Variants in CLMP observed in about 807,000 individuals in gnomAD.
CLMP encodes the protein CXADR-like membrane protein.
In CLMP, 27 loss-of-function variants were observed where a neutral mutation model predicts 45.2. The observed-to-expected ratio is 0.60, with a 90% confidence interval of 0.44 to 0.82. CLMP has a LOEUF of 0.82. Among genes scored for constraint, CLMP ranks in the 40% least tolerant of loss-of-function variants. The pLI, the probability that CLMP is intolerant of heterozygous loss-of-function variation, is 0.00. For missense variants in CLMP, 403 were observed against 448.4 expected, an observed-to-expected ratio of 0.90 and a Z score of 0.91; for synonymous variants, 167 against 171.4, an observed-to-expected ratio of 0.97 and a Z score of 0.20.
chr11:123,159,237 T>G (rs1861453334), intron 1 of CLMP, among the ~76,000 whole-genome samples: 1 of 152,180 alleles, frequency 6.6e-6, no homozygotes, highest in South Asian at 2.1e-4. Flanking sequence ...AACAGTTACT[T>G]TCAGTGAGAA....
At chr11:123,194,799 G>A (rs556502081) in intron 1 of CLMP, 114 bp downstream of exon 1, 28 of 1,350,536 alleles carry the variant, frequency 2.1e-5, no homozygotes, top group Non-Finnish European at 2.8e-5. Context: ...GGACTGAAAA[G>A]CCGGCTGACT....
chr11:123,104,667 T>G (rs904888991), intron 1 of CLMP, among the ~76,000 whole-genome samples: 4 of 152,110 alleles, frequency 2.6e-5, no homozygotes, highest in African/African-American at 9.7e-5. Context: ...ATTACAGGTG[T>G]GAGCCACCGC....
chr11:123,154,054 T>C (rs1352961674), intron 1 of CLMP, among the ~76,000 whole-genome samples: 2 of 152,124 alleles, frequency 1.3e-5, no homozygotes, highest in Non-Finnish European at 2.9e-5. Context: ...GGTGTTGGGA[T>C]TGGACACCTA....
intron 1 of CLMP, among the ~76,000 whole-genome samples, chr11:123,115,510 C>T (rs574514670): frequency 2.0e-5 from 3 of 151,920 alleles, no homozygotes; most frequent in Non-Finnish European, 4.4e-5. Flanking sequence ...TAATGTAATG[C>T]TGATCAGAAA....
At chr11:123,152,389 G>T (rs1861348134) in intron 1 of CLMP, among the ~76,000 whole-genome samples, 1 of 152,022 alleles carries the variant, frequency 6.6e-6, no homozygotes, top group Non-Finnish European at 1.5e-5. Flanking sequence ...TGGGCATGTT[G>T]GTGGGCACCT....
At chr11:123,121,733 G>A (rs1432858447) in intron 1 of CLMP, among the ~76,000 whole-genome samples, 2 of 152,124 alleles carry the variant, frequency 1.3e-5, no homozygotes, top group Non-Finnish European at 2.9e-5. Flanking sequence ...TAATAAACTG[G>A]CTTATAACCA....
At chr11:123,131,159 A>G (rs531473351) in intron 1 of CLMP, among the ~76,000 whole-genome samples, 2 of 152,168 alleles carry the variant, frequency 1.3e-5, no homozygotes, top group Non-Finnish European at 2.9e-5. Flanking sequence ...CAAAAATAAT[A>G]TCTGTCATTC....
chr11:123,113,594 T>C (rs1860673582), intron 1 of CLMP, among the ~76,000 whole-genome samples: 2 of 152,202 alleles, frequency 1.3e-5, no homozygotes, highest in Admixed American at 1.3e-4. Context: ...ACTTCTGCGT[T>C]TGGCAGATCG....
rs753434763 is a variant in CLMP, at chr11:123,074,809, C to T, written c.714G>A (p.Val238=). The T allele has an allele frequency of 4.3e-6, 7 of 1,614,166 alleles. No homozygotes were observed. In the East Asian group the frequency reaches 1.6e-4, roughly 36 times the overall value. Residue 238 remains valine, a synonymous_variant, in exon 6 of 7, where the codon GTG becomes GTA. Transcript: ENST00000448775. The part of the protein sequence containing the change: ...VQSIGMVAGA[V]TGIVAGALLI... Reference sequence around the variant, plus strand: ...GCAGGGCTCCAGCCACTATGCCTGTCACTGCTCCTGCAACCATGCCGATGC... The same window carrying T: ...GCAGGGCTCCAGCCACTATGCCTGTTACTGCTCCTGCAACCATGCCGATGC...
Position 123,074,752 on chromosome 11 carries a change from T to G in CLMP, c.771A>C (p.Arg257=). The change falls in exon 6 of 7, where the codon CGA becomes CGC. Residue 257 remains arginine, a synonymous_variant. Transcript: ENST00000448775. ...LIFLLVWLLI[R]RKDKERYEEE... is the part of the protein sequence containing the mutation. Reference sequence around the variant, plus strand: ...CCTCATATCTTTCTTTGTCTTTCCTTCGGATTAGCAGCCACACCAAGAGGA... The same window carrying G: ...CCTCATATCTTTCTTTGTCTTTCCTGCGGATTAGCAGCCACACCAAGAGGA... 6.2e-7 allele frequency: 1 copy of G among 1,614,146 alleles called. No homozygotes were observed. The highest frequency in any genetic ancestry group is 8.5e-7 in the Non-Finnish European group (1 of 1,180,032).
chr11:123,118,999 TTCTCTCTCTCTCTCTCTCTCTCTC>T (rs1248549147), intron 1 of CLMP, among the ~76,000 whole-genome samples: 17 of 14,142 alleles, frequency 1.2e-3, no homozygotes, highest in Non-Finnish European at 1.8e-3. Flanking sequence ...CTTTCTTTCT[TTCTCTCTCTCTCTCTCTCTCTCTC>T]TCTCTCTCTC....
chr11:123,091,214 C>T (rs1865928845), intron 2 of CLMP, among the ~76,000 whole-genome samples: 1 of 152,138 alleles, frequency 6.6e-6, no homozygotes, highest in South Asian at 2.1e-4. Flanking sequence ...AAGCGATTCT[C>T]CTGCCTCAGC....
intron 1 of CLMP, among the ~76,000 whole-genome samples, chr11:123,103,377 G>C (rs939372885): frequency 1.3e-5 from 2 of 152,150 alleles, no homozygotes; most frequent in African/African-American, 4.8e-5. Flanking sequence ...CAAATGCCAA[G>C]AGCCAGCTAT....
intron 2 of CLMP, among the ~76,000 whole-genome samples, chr11:123,085,820 G>A (rs1375069622): frequency 3.4e-5 from 5 of 146,472 alleles, no homozygotes; most frequent in South Asian, 2.1e-4. Flanking sequence ...CTTGTCGCCC[G>A]GTCTGGAGTA....
chr11:123,149,799 CTTTCTTTG>C lies in CLMP; in HGVS notation c.28+45106_28+45113del, dbSNP rs1192353564. Reference sequence around the variant, plus strand: ...TCTTTCTTTCTTTCTTCCTTTCTTTCTTTCTTTGTTTCTTTCTCTCTTTTTTTTTTTAG... The same window carrying C: ...TCTTTCTTTCTTTCTTCCTTTCTTTCTTTCTTTCTCTCTTTTTTTTTTTAG... On this transcript the variant is annotated intron_variant, in intron 1 of 6. Coordinates refer to ENST00000448775, the MANE Select transcript of CLMP (RefSeq NM_024769.5). 3.3e-5 allele frequency among the ~76,000 whole-genome samples: 5 copies of C among 150,176 alleles called. No individual in the cohort carries two copies. The Admixed American group carries it at 3.4e-4, about 10-fold the overall frequency.
At chr11:123,089,850 A>G (rs556504924) in intron 2 of CLMP, among the ~76,000 whole-genome samples, 1 of 151,950 alleles carries the variant, frequency 6.6e-6, no homozygotes, top group Admixed American at 6.6e-5. Context: ...CTGTAATCTC[A>G]GCATTTTGGG....
At position 123,073,273 on chromosome 11, in the gene CLMP, T is replaced by TAAA; in HGVS notation, c.*200_*201insTTT. 1.8e-6 allele frequency: 1 copy of TAAA among 570,932 alleles called. No homozygotes were observed. 35.4% of individuals were successfully genotyped at this position (570,932 alleles called of 1,614,324 possible). ...CTAAAGGCACAATAAGATGCCTTTT[T>TAAA]ACAGATGAATCAGCTTACATCCTTT... On this transcript the variant is annotated 3_prime_UTR_variant, in exon 7 of 7. Coordinates refer to ENST00000448775, the MANE Select transcript of CLMP (RefSeq NM_024769.5).
chr11:123,107,672 A>G (rs1395321984), intron 1 of CLMP, among the ~76,000 whole-genome samples: 1 of 151,496 alleles, frequency 6.6e-6, no homozygotes. Context: ...ACCGTGTTGC[A>G]TTTTGAAAGA....
intron 1 of CLMP, among the ~76,000 whole-genome samples, chr11:123,117,829 C>T (rs1336899358): frequency 4.6e-5 from 7 of 152,102 alleles, no homozygotes; most frequent in South Asian, 2.1e-4. Flanking sequence ...TTTACAAAAG[C>T]TGTACCATCC....
Sources: gnomAD v4.1 joint callset for allele counts (sites outside exome capture counted in the v4.1 genomes callset) on GRCh38, gnomAD v4.1.1 for gene constraint, MANE v1.5 for transcripts, NCBI Gene and HGNC (gene_info 2026-07-23, HGNC 2026-07-21) for gene names.